The following MICU2 variants were observed in gnomAD, a reference collection of about 807,000 sequenced individuals.
MICU2 encodes mitochondrial calcium uptake 2.
In MICU2, 64 loss-of-function variants were observed where a neutral mutation model predicts 60.4. That is an observed-to-expected ratio of 1.06 (90% CI 0.87 to 1.31). The LOEUF is 1.31. Among genes scored for constraint, MICU2 ranks in the 50% most tolerant of loss-of-function variants. MICU2 has a pLI of 0.00. For missense variants in MICU2, 569 were observed against 531.0 expected, an observed-to-expected ratio of 1.07 and a Z score of -0.70; for synonymous variants, 201 against 175.0, an observed-to-expected ratio of 1.15 and a Z score of -1.17.
intron 4 of MICU2, among the ~76,000 whole-genome samples, chr13:21,528,495 C>T (rs910383297): frequency 3.9e-5 from 6 of 152,032 alleles, no homozygotes; most frequent in African/African-American, 7.2e-5. Context: ...GCACTTTTTT[C>T]CTATACTATC....
chr13:21,577,090 A>C (rs1383113820), intron 1 of MICU2, among the ~76,000 whole-genome samples: 1 of 152,230 alleles, frequency 6.6e-6, no homozygotes, highest in Non-Finnish European at 1.5e-5. Context: ...ACAATTCAGA[A>C]AACAAAACGT....
At chr13:21,583,786 GA>G (rs1888399777) in intron 1 of MICU2, among the ~76,000 whole-genome samples, 3 of 152,194 alleles carry the variant, frequency 2.0e-5, no homozygotes, top group Admixed American at 6.5e-5. Flanking sequence ...GAGCCATATT[GA>G]AAATGTGCTG....
intron 2 of MICU2, among the ~76,000 whole-genome samples, chr13:21,551,944 T>G (rs1335485984): frequency 6.6e-6 from 1 of 152,156 alleles, no homozygotes; most frequent in Non-Finnish European, 1.5e-5. Flanking sequence ...TTTGGGTATA[T>G]GCCCAGTAAT....
intron 1 of MICU2, among the ~76,000 whole-genome samples, chr13:21,580,898 A>G (rs1406887088): frequency 2.0e-5 from 3 of 152,146 alleles, no homozygotes; most frequent in Non-Finnish European, 2.9e-5. Context: ...TGTCTGTTCC[A>G]TTTATAAAGG....
At chr13:21,522,855 T>C (rs1886752292) in intron 4 of MICU2, among the ~76,000 whole-genome samples, 1 of 152,200 alleles carries the variant, frequency 6.6e-6, no homozygotes, top group African/African-American at 2.4e-5. Context: ...CTGTTACTAG[T>C]AAGGAAGTTG....
chr13:21,590,250 A>C (rs889309452), intron 1 of MICU2, among the ~76,000 whole-genome samples: 19 of 152,352 alleles, frequency 1.2e-4, no homozygotes, highest in African/African-American at 4.1e-4. Flanking sequence ...AACTCTTAGC[A>C]GAAACTCTAC....
At chr13:21,546,302 T>TTG (rs1555273458) in intron 2 of MICU2, among the ~76,000 whole-genome samples, 2 of 151,862 alleles carry the variant, frequency 1.3e-5, no homozygotes, top group Non-Finnish European at 2.9e-5. Flanking sequence ...AGACTTTTTT[T>TTG]TTTTTTTTTT....
intron 2 of MICU2, among the ~76,000 whole-genome samples, chr13:21,543,337 G>A (rs73443855): frequency 6.6e-6 from 1 of 152,022 alleles, no homozygotes; most frequent in Non-Finnish European, 1.5e-5. Context: ...TTAGGCAAGA[G>A]AAAGAAAAAT....
At chr13:21,517,799 A>ACACACG (rs1244489287) in intron 6 of MICU2, among the ~76,000 whole-genome samples, 44 of 136,398 alleles carry the variant, frequency 3.2e-4, no homozygotes, top group Middle Eastern at 3.8e-3. Flanking sequence ...ACACACACAC[A>ACACACG]CGCGCGCGCG....
intron 8 of MICU2, among the ~76,000 whole-genome samples, chr13:21,504,131 C>A (rs1452343521): frequency 6.6e-6 from 1 of 152,080 alleles, no homozygotes; most frequent in Non-Finnish European, 1.5e-5. Flanking sequence ...ATGTTTCTTT[C>A]TGGGTCAAAG....
rs569566848 is a variant in MICU2, at chr13:21,598,214, T to G, written c.210+5725A>C. On this transcript the variant is annotated intron_variant, in intron 1 of 11. Coordinates refer to ENST00000382374, the MANE Select transcript of MICU2 (RefSeq NM_152726.3). ...ACAACAACAAAAACCTGTTATGAAT[T>G]AAAAAAAACTAAAGTATCCAATATT... Among the ~76,000 whole-genome samples, 317 of 151,998 alleles carry G rather than the reference T, an allele frequency of 2.1e-3. 3 individuals carry two copies. The highest frequency in any genetic ancestry group is 7.4e-3 in the African/African-American group (306 of 41,506).
chr13:21,498,062 C>G (rs1031691989), intron 9 of MICU2, among the ~76,000 whole-genome samples: 7 of 151,948 alleles, frequency 4.6e-5, no homozygotes, highest in African/African-American at 1.7e-4. Context: ...GCTAAAAATT[C>G]TTAATTTGAA....
Position 21,524,459 on chromosome 13 carries a change from A to C in MICU2, c.467-1809T>G, listed in dbSNP as rs577094689. On this transcript the variant is annotated intron_variant, in intron 4 of 11. Coordinates refer to ENST00000382374, the MANE Select transcript of MICU2 (RefSeq NM_152726.3). The stretch of plus-strand genomic sequence containing the variant: ...CTGCCAGATAGTTACCACACCTAAA[A>C]AAGTATCAATAATTCCTTAACATCT... Among the ~76,000 whole-genome samples the C allele has an allele frequency of 1.7e-3, 256 of 152,304 alleles. 3 individuals are homozygous for C. Among genetic ancestry groups the C allele is most frequent in the African/African-American group, 6.0e-3 (248 of 41,586 alleles).
At chr13:21,541,892 ATACT>A (rs1156782266) in intron 2 of MICU2, among the ~76,000 whole-genome samples, 2 of 152,198 alleles carry the variant, frequency 1.3e-5, no homozygotes, top group African/African-American at 2.4e-5. Flanking sequence ...AGAAAACCAG[ATACT>A]TAATGCAGTT....
intron 4 of MICU2, among the ~76,000 whole-genome samples, chr13:21,531,845 C>T (rs948833683): frequency 6.6e-6 from 1 of 152,104 alleles, no homozygotes; most frequent in Non-Finnish European, 1.5e-5. Context: ...CAAAAACAAA[C>T]GAACAAAAAA....
At chr13:21,528,399 G>A (rs963634207) in intron 4 of MICU2, among the ~76,000 whole-genome samples, 1 of 151,998 alleles carries the variant, frequency 6.6e-6, no homozygotes, top group Non-Finnish European at 1.5e-5. Context: ...CTTTAAGTTG[G>A]AAATGTACAT....
rs1437446898 is a variant in MICU2, at chr13:21,554,991, A to G, written c.358+11806T>C. 3.3e-5 allele frequency among the ~76,000 whole-genome samples: 5 copies of G among 152,226 alleles called. No individual in the cohort carries two copies. The East Asian group carries it at 7.7e-4, about 23-fold the overall frequency. The stretch of plus-strand genomic sequence containing the variant: ...TCAGGAAGAAGTTGAATCTCTGAAT[A>G]GACCAATAACAGGCTCTGAAATTGA... On this transcript the variant is annotated intron_variant, in intron 2 of 11. Coordinates refer to ENST00000382374, the MANE Select transcript of MICU2 (RefSeq NM_152726.3).
At chr13:21,552,879 G>C (rs181065632) in intron 2 of MICU2, among the ~76,000 whole-genome samples, 1 of 152,280 alleles carries the variant, frequency 6.6e-6, no homozygotes, top group Admixed American at 6.5e-5. Context: ...CTCCAGCTTT[G>C]TTCTTTTGGC....
At position 21,510,753 on chromosome 13, in the gene MICU2, A is replaced by G. The variant is rs553226955; in HGVS notation, c.664-652T>C. Reference sequence around the variant, plus strand: ...ATCGTCTAGCATGTCTCCTAATCCTACCACCACCCCGACCCCGCTTCTCAG... The same window carrying G: ...ATCGTCTAGCATGTCTCCTAATCCTGCCACCACCCCGACCCCGCTTCTCAG... On this transcript the variant is annotated intron_variant, in intron 7 of 11. Transcript: ENST00000382374. Among the ~76,000 whole-genome samples the G allele has an allele frequency of 2.0e-5, 3 of 152,182 alleles. No homozygotes were observed. The East Asian group carries it at 5.8e-4, about 29-fold the overall frequency.
Sources: gnomAD v4.1 joint callset for allele counts (sites outside exome capture counted in the v4.1 genomes callset) on GRCh38, gnomAD v4.1.1 for gene constraint, MANE v1.5 for transcripts, NCBI Gene and HGNC (gene_info 2026-07-23, HGNC 2026-07-21) for gene names.